The following AFTPH variants were observed in gnomAD, a reference collection of about 807,000 sequenced individuals.
AFTPH encodes the protein aftiphilin protein.
A neutral mutation model predicts 72.5 loss-of-function variants in AFTPH; 7 were observed. The observed-to-expected ratio is 0.10, with a 90% CI of 0.05 to 0.18. The LOEUF is 0.18. Among genes scored for constraint, AFTPH ranks in the 10% least tolerant of loss-of-function variants. The pLI is 1.00. For synonymous variants in AFTPH, 337 were observed against 370.1 expected (o/e 0.91, Z 1.03); for missense variants, 979 against 1,060.5 (o/e 0.92, Z 1.07).
rs528130043 is a variant in AFTPH, at chr2:64,530,693, T to G, written c.-33+6081T>G. ...TGTGAGCATGTCATACATATACATA[T>G]GAATCATATTGCGTTGATCTTTCTT... On this transcript the variant is annotated intron_variant, in intron 1 of 8. Coordinates refer to ENST00000238856, the Ensembl canonical transcript of AFTPH. 3.3e-5 allele frequency among the ~76,000 whole-genome samples: 5 copies of G among 152,346 alleles called. No individual in the cohort carries two copies. In the East Asian group the frequency reaches 9.6e-4, roughly 29 times the overall value.
At chr2:64,574,855 C>T (rs899736800) in intron 6 of AFTPH, among the ~76,000 whole-genome samples, 1 of 152,216 alleles carries the variant, frequency 6.6e-6, no homozygotes, top group African/African-American at 2.4e-5. Flanking sequence ...CAGGTCTGCC[C>T]TGTCTATGCA....
chr2:64,566,145 T>C (rs1354996305), intron 2 of AFTPH, among the ~76,000 whole-genome samples: 1 of 152,200 alleles, frequency 6.6e-6, no homozygotes. Context: ...TTGAAAATAA[T>C]GTCTGTCCGT....
At chr2:64,563,407 TA>T (rs1371210985) in intron 2 of AFTPH, among the ~76,000 whole-genome samples, 1 of 152,228 alleles carries the variant, frequency 6.6e-6, no homozygotes, top group Non-Finnish European at 1.5e-5. Context: ...GCTCAAATTT[TA>T]TGTTCAAAAT....
intron 1 of AFTPH, among the ~76,000 whole-genome samples, chr2:64,550,294 G>C (rs1212713181): frequency 6.6e-6 from 1 of 152,172 alleles, no homozygotes; most frequent in Non-Finnish European, 1.5e-5. Context: ...CAGCTACCCA[G>C]GAGGCTGAGG....
At chr2:64,576,584 A>C (rs1231489948) in intron 6 of AFTPH, among the ~76,000 whole-genome samples, 1 of 152,176 alleles carries the variant, frequency 6.6e-6, no homozygotes, top group African/African-American at 2.4e-5. Flanking sequence ...TTTCCCTCTT[A>C]GTAAGGTCAA....
At chr2:64,533,794 T>C (rs2103819033) in intron 1 of AFTPH, among the ~76,000 whole-genome samples, 2 of 152,308 alleles carry the variant, frequency 1.3e-5, no homozygotes, top group East Asian at 1.9e-4. Flanking sequence ...ACAATAAACT[T>C]AATAAATATG....
chr2:64,551,340 CA>C (rs1293013290), intron 1 of AFTPH, 102 bp from the exon 2 acceptor site: 5 of 845,038 alleles, frequency 5.9e-6, no homozygotes, highest in African/African-American at 3.4e-5. Flanking sequence ...CAAAATAGAG[CA>C]TTGTAAATTT....
chr2:64,540,921 G>C (rs1484139599), intron 1 of AFTPH, among the ~76,000 whole-genome samples: 2 of 152,160 alleles, frequency 1.3e-5, no homozygotes, highest in East Asian at 3.9e-4. Flanking sequence ...GGAGGTTTCA[G>C]AAACCTTTTT....
chr2:64,585,561 C>CA lies in AFTPH; in HGVS notation c.2579+18dup. ...CATCTACCAGGTAAATAAATAGTGTCAATTATACCCACATTTTGAATTCTG... is the reference window on the plus strand; with the variant it reads ...CATCTACCAGGTAAATAAATAGTGTCAAATTATACCCACATTTTGAATTCTG... On this transcript the variant is annotated intron_variant, in intron 8 of 8. Coordinates refer to ENST00000238856, the Ensembl canonical transcript of AFTPH. 1 of 1,579,906 alleles carries CA rather than the reference C, an allele frequency of 6.3e-7. No individual in the cohort carries two copies. The highest frequency in any genetic ancestry group is 1.4e-5 in the African/African-American group (1 of 73,104).
At chr2:64,555,695 A>G (rs1671315755) in intron 2 of AFTPH, among the ~76,000 whole-genome samples, 1 of 152,152 alleles carries the variant, frequency 6.6e-6, no homozygotes, top group Admixed American at 6.6e-5. Context: ...GGAAAGAGAA[A>G]CTGCTGGAGG....
chr2:64,557,778 T>G (rs747017081), intron 2 of AFTPH, among the ~76,000 whole-genome samples: 5 of 152,260 alleles, frequency 3.3e-5, no homozygotes, highest in Non-Finnish European at 5.9e-5. Context: ...ATAAGAGAAT[T>G]AAGATGTAAG....
exon 9 of AFTPH, chr2:64,592,115 TAAAA>T (rs35699964): frequency 1.3e-4 from 108 of 846,780 alleles, no homozygotes; most frequent in South Asian, 1.9e-4. Flanking sequence ...CTGCTCTAAT[TAAAA>T]AAAAAAAAAA....
intron 6 of AFTPH, among the ~76,000 whole-genome samples, chr2:64,578,419 TTTTCATGTAAGAATA>T (rs1179402751): frequency 1.3e-5 from 2 of 152,200 alleles, no homozygotes; most frequent in African/African-American, 4.8e-5. Flanking sequence ...AACCAACATT[TTTTCATGTAAGAATA>T]TTCTTAAAAT....
At chr2:64,532,711 C>T (rs1669694199) in intron 1 of AFTPH, among the ~76,000 whole-genome samples, 1 of 152,106 alleles carries the variant, frequency 6.6e-6, no homozygotes, top group African/African-American at 2.4e-5. Flanking sequence ...GAGGTCTAAG[C>T]AGGGAACTGG....
chr2:64,524,592 C>T, exon 1 of AFTPH: 1 of 398,964 alleles, frequency 2.5e-6, no homozygotes, highest in Non-Finnish European at 4.4e-6. Context: ...ATGCCCATCG[C>T]AGCCGCCCCG....
chr2:64,584,889 C>T (rs754579958), intron 7 of AFTPH, among the ~76,000 whole-genome samples: 9 of 152,134 alleles, frequency 5.9e-5, no homozygotes, highest in South Asian at 2.1e-4. Flanking sequence ...AGCCACCGCG[C>T]CTGGCCAGTC....
At chr2:64,579,282 T>A (rs1673018174) in intron 6 of AFTPH, among the ~76,000 whole-genome samples, 2 of 152,212 alleles carry the variant, frequency 1.3e-5, no homozygotes, top group East Asian at 3.8e-4. Context: ...TTTTTAAATG[T>A]CAATAACCTG....
chr2:64,592,114 T>TAAAA, exon 9 of AFTPH: 3 of 844,488 alleles, frequency 3.6e-6, no homozygotes, highest in South Asian at 3.8e-5. Context: ...CCTGCTCTAA[T>TAAAA]TAAAAAAAAA....
chr2:64,584,757 C>T (rs1483434965), intron 7 of AFTPH, among the ~76,000 whole-genome samples: 6 of 151,946 alleles, frequency 3.9e-5, no homozygotes, highest in Admixed American at 2.0e-4. Flanking sequence ...CCACCATGCC[C>T]GGCTAATTTT....
Sources: allele counts gnomAD v4.1 joint callset (sites outside exome capture counted in the v4.1 genomes callset), GRCh38; gene constraint gnomAD v4.1.1; transcripts MANE v1.5; gene names NCBI Gene and HGNC (gene_info 2026-07-23, HGNC 2026-07-21).